Variants in HDAC4 observed in about 807,000 individuals in gnomAD.
HDAC4 encodes the protein histone deacetylase A.
Under a neutral mutation model 135.1 loss-of-function variants are expected in HDAC4, and 16 were observed. The ratio of observed to expected loss-of-function variants is 0.12; its 90% CI spans 0.08 to 0.18. The LOEUF is 0.18. Ranked by LOEUF, HDAC4 falls within the 10% of genes least tolerant of loss-of-function variation. The pLI is 1.00. For missense variants in HDAC4, 1,143 were observed against 1,511.8 expected (o/e 0.76, Z 4.05); for synonymous variants, 685 against 653.4 (o/e 1.05, Z -0.74).
intron 2 of HDAC4, chr2:239,298,103 G>T: frequency 2.4e-6 from 2 of 842,732 alleles, no homozygotes; most frequent in Non-Finnish European, 3.4e-6. Flanking sequence ...TATTTCACAG[G>T]ATAAAAAAAA....
rs139180828 is a variant in HDAC4 at position 239,134,251 on chromosome 2, C to T, written c.1288G>A (p.Val430Ile). Residue 430 changes from valine (V) to isoleucine (I), a missense_variant, in exon 11 of 27, where the codon GTC (valine) becomes ATC (isoleucine). This residue lies in a region of HDAC4 where 272 missense variants were observed against 309.7 expected (regional missense o/e 0.88). Transcript: ENST00000543185. ...LEQPPAQAPLVTDWYLSGLGA... is the reference protein window; with the variant it reads ...LEQPPAQAPLITDWYLSGLGA... ...CAGGCCCATTTGTGCTCACCTGTGACGAGGGGTGCTTGTGCCGGCGGCTGC... is the reference window on the plus strand; with the variant it reads ...CAGGCCCATTTGTGCTCACCTGTGATGAGGGGTGCTTGTGCCGGCGGCTGC... 69 of 1,610,612 alleles carry T rather than the reference C, an allele frequency of 4.3e-5. No individual in the cohort carries two copies. Among genetic ancestry groups the T allele is most frequent in the Middle Eastern group, 3.6e-4 (2 of 5,628 alleles).
rs137897055 is a variant in HDAC4 at position 239,212,199 on chromosome 2, T to G, written c.95-22122A>C. 5.9e-3 allele frequency among the ~76,000 whole-genome samples: 891 copies of G among 152,266 alleles called. 11 individuals are homozygous for G. Among genetic ancestry groups the G allele is most frequent in the African/African-American group, 0.02 (845 of 41,542 alleles). Reference sequence around the variant, plus strand: ...GATGCTTTAGATTTCTAGAGTATTCTTAGGAGCCAAAATCATCTCTAACCT... The same window carrying G: ...GATGCTTTAGATTTCTAGAGTATTCGTAGGAGCCAAAATCATCTCTAACCT... On this transcript the variant is annotated intron_variant, in intron 3 of 26. Transcript: ENST00000543185.
At chr2:239,202,033 C>A (rs3828225) in intron 3 of HDAC4, among the ~76,000 whole-genome samples, 21,347 of 152,188 alleles carry the variant, frequency 0.14, 1,617 homozygotes, top group African/African-American at 0.2. Flanking sequence ...CTCCACCCCC[C>A]TGCAGGCATC....
At position 239,219,475 on chromosome 2, in the gene HDAC4, G is replaced by C. The variant is rs187006715; in HGVS notation, c.94+17118C>G. ...CACACACCGGGGACTGTTGTGGGGT[G>C]GGGGGAGGAGGGAGGGATAGCATTA... On this transcript the variant is annotated intron_variant, in intron 3 of 26. Transcript: ENST00000543185. Among the ~76,000 whole-genome samples, 23 of 151,850 alleles carry C rather than the reference G, an allele frequency of 1.5e-4. No homozygotes were observed. In the East Asian group the frequency reaches 2.3e-3, roughly 15 times the overall value.
chr2:239,345,272 G>A (rs1247903080), intron 2 of HDAC4, among the ~76,000 whole-genome samples: 2 of 152,112 alleles, frequency 1.3e-5, no homozygotes, highest in Non-Finnish European at 2.9e-5. Context: ...ACTCCTGGCC[G>A]GATACAATGG....
intron 22 of HDAC4, among the ~76,000 whole-genome samples, chr2:239,072,985 G>A (rs2034350764): frequency 6.6e-6 from 1 of 152,190 alleles, no homozygotes; most frequent in Non-Finnish European, 1.5e-5. Context: ...TCAATGCTGG[G>A]AGCACGCGGT....
intron 13 of HDAC4, 94 bp downstream of exon 13, chr2:239,114,959 C>G: frequency 1.4e-6 from 2 of 1,475,540 alleles, no homozygotes; most frequent in Non-Finnish European, 9.2e-7. Flanking sequence ...CAAGGATGCC[C>G]TGCAGCCCCC....
chr2:239,352,427 C>T lies in HDAC4; in HGVS notation c.22+251G>A, dbSNP rs543447037. 6.6e-6 allele frequency among the ~76,000 whole-genome samples: 1 copy of T among 152,180 alleles called. No individual in the cohort carries two copies. Among genetic ancestry groups the T allele is most frequent in the South Asian group, 2.1e-4 (1 of 4,830 alleles). ...AAAAAGCATCGAGGAAACCTGTGTG[C>T]CTCTCAAGTCAGCCTGCAAACCGGG... On this transcript the variant is annotated intron_variant, in intron 2 of 26. Coordinates refer to ENST00000543185, the MANE Select transcript of HDAC4 (RefSeq NM_001378414.1). This position sits in a 1 kb window ranked among gnomAD's most constrained non-coding sequence, Gnocchi z 4.4.
At chr2:239,116,159 T>C (rs989108359) in intron 12 of HDAC4, among the ~76,000 whole-genome samples, 2 of 152,184 alleles carry the variant, frequency 1.3e-5, no homozygotes, top group African/African-American at 4.8e-5. Context: ...GTCCTGGGCC[T>C]GCTCCTCGGC....
rs568906969 is a variant in HDAC4, at chr2:239,139,776, G to A, written c.886C>T (p.Pro296Ser). The stretch of plus-strand genomic sequence containing the variant: ...TTGGGTGAGCTGGGTCCGGAGCCTG[G>A]GGCGCTGCTGCACGCGGAGTCTGCG... Reference protein sequence around the residue: ...DVTDSACSSAPGSGPSSPNNS... With the variant: ...DVTDSACSSASGSGPSSPNNS... Residue 296 changes from proline to serine, a missense_variant, in exon 9 of 27, where the codon CCA (proline) becomes TCA (serine). Around this residue, in one of 9 missense-constraint regions of HDAC4, gnomAD observed 272 missense variants for 309.7 expected, o/e 0.88. Coordinates refer to ENST00000543185, the MANE Select transcript of HDAC4 (RefSeq NM_001378414.1). The surrounding 1 kb of genome is among the most constrained non-coding windows in gnomAD (Gnocchi z 5.3). The A allele has an allele frequency of 6.2e-7, 1 of 1,614,058 alleles. No individual in the cohort carries two copies. The highest frequency in any genetic ancestry group is 8.5e-7 in the Non-Finnish European group (1 of 1,179,964).
At chr2:239,270,437 A>G (rs2049996838) in intron 2 of HDAC4, among the ~76,000 whole-genome samples, 1 of 152,232 alleles carries the variant, frequency 6.6e-6, no homozygotes, top group South Asian at 2.1e-4. Flanking sequence ...AGACACAGTG[A>G]AGCAGGCGAT....
At chr2:239,053,711 A>G (rs913377175) in intron 25 of HDAC4, 110 bp from the exon 26 acceptor site, 44 of 897,648 alleles carry the variant, frequency 4.9e-5, no homozygotes, top group South Asian at 1.6e-4. Flanking sequence ...TTGATCCCTT[A>G]TGATTTTAAA....
At chr2:239,087,666 AG>A (rs759476569) in intron 18 of HDAC4, 52 bp from the exon 19 acceptor site, 25 of 1,557,696 alleles carry the variant, frequency 1.6e-5, no homozygotes, top group Middle Eastern at 3.3e-4. Flanking sequence ...CACACTTTGT[AG>A]CCACGGGAAA....
At chr2:239,082,858 T>A (rs1004364133) in intron 20 of HDAC4, among the ~76,000 whole-genome samples, 3 of 152,218 alleles carry the variant, frequency 2.0e-5, no homozygotes, top group Non-Finnish European at 4.4e-5. Flanking sequence ...CCGTGGCTGT[T>A]CTGCCCCGGG....
intron 1 of HDAC4, among the ~76,000 whole-genome samples, chr2:239,372,403 A>C (rs1388051522): frequency 6.6e-6 from 1 of 152,238 alleles, no homozygotes; most frequent in East Asian, 1.9e-4. Context: ...TAACACCACC[A>C]CACAAAGACA....
intron 2 of HDAC4, among the ~76,000 whole-genome samples, chr2:239,261,226 T>C (rs867652516): frequency 2.0e-5 from 3 of 152,262 alleles, no homozygotes; most frequent in South Asian, 2.1e-4. Context: ...TCAAGAAACG[T>C]GCAGGTGAGA....
At chr2:239,112,470 C>A (rs1329196367) in intron 13 of HDAC4, among the ~76,000 whole-genome samples, 1 of 152,198 alleles carries the variant, frequency 6.6e-6, no homozygotes, top group African/African-American at 2.4e-5. Context: ...AGCTTCTGGG[C>A]ACCCAGGACC....
intron 3 of HDAC4, among the ~76,000 whole-genome samples, chr2:239,223,414 G>T (rs779901004): frequency 6.6e-6 from 1 of 152,138 alleles, no homozygotes; most frequent in South Asian, 2.1e-4. Context: ...AGGGCGCTGC[G>T]GGTCACTGGG....
chr2:239,315,275 C>T lies in HDAC4; in HGVS notation c.22+37403G>A, dbSNP rs142446716. Among the ~76,000 whole-genome samples, 31 of 152,290 alleles carry T rather than the reference C, an allele frequency of 2.0e-4. No individual in the cohort carries two copies. The East Asian group carries it at 2.3e-3, about 11-fold the overall frequency. The stretch of plus-strand genomic sequence containing the variant: ...TGAAACCAAGCTGTTCCCCGACCAC[C>T]TTGGGCACATGTTGTCAGCACCTCT... On this transcript the variant is annotated intron_variant, in intron 2 of 26. Transcript: ENST00000543185.
Sources: gnomAD v4.1 joint callset for allele counts (sites outside exome capture counted in the v4.1 genomes callset) on GRCh38, gnomAD v4.1.1 for gene constraint, gnomAD v4.1.1 regional missense constraint, Gnocchi (gnomAD v3.1) non-coding constraint, MANE v1.5 for transcripts, NCBI Gene and HGNC (gene_info 2026-07-23, HGNC 2026-07-21) for gene names.